The following FLT3 variants were observed in gnomAD, a reference collection of about 807,000 sequenced individuals.
FLT3 encodes the protein fms related receptor tyrosine kinase 3.
In FLT3, 46 loss-of-function variants were observed where a neutral mutation model predicts 126.6. The observed-to-expected ratio is 0.36, with a 90% CI of 0.29 to 0.46. The LOEUF (loss-of-function observed/expected upper bound fraction) is 0.46, where lower values mean the gene tolerates loss of function less well. Ranked by LOEUF, FLT3 falls within the 20% of genes least tolerant of loss-of-function variation. The probability of loss-of-function intolerance (pLI) is 1.00; values close to 1 mark genes in which losing one functional copy is unlikely to be tolerated. For missense variants in FLT3, 1,069 were observed against 1,190.3 expected (o/e 0.90, Z 1.50); for synonymous variants, 404 against 434.4 (o/e 0.93, Z 0.87).
At position 28,058,645 on chromosome 13, in the gene FLT3, G is replaced by T. The variant is rs1876253518; in HGVS notation, c.369-1183C>A. On this transcript the variant is annotated intron_variant, in intron 3 of 23. Transcript: ENST00000241453. ...GAGTTGACAAAGATGTAGAATCTCA[G>T]GTCCCACTGAGACCTACTCATCAGA... Among the ~76,000 whole-genome samples, 4 of 152,178 alleles carry T rather than the reference G, an allele frequency of 2.6e-5. No individual in the cohort carries two copies. In the South Asian group the frequency reaches 8.3e-4, roughly 32 times the overall value.
At chr13:28,024,586 G>A (rs1307110096) in intron 18 of FLT3, among the ~76,000 whole-genome samples, 1 of 152,104 alleles carries the variant, frequency 6.6e-6, no homozygotes, top group African/African-American at 2.4e-5. Context: ...ATGTAACTTC[G>A]GAACTCATTA....
At chr13:28,078,826 G>T (rs1251044669) in intron 1 of FLT3, among the ~76,000 whole-genome samples, 1 of 151,488 alleles carries the variant, frequency 6.6e-6, no homozygotes, top group Non-Finnish European at 1.5e-5. Context: ...CGATTCTCCT[G>T]CCTCAGCCTC....
Position 28,028,200 on chromosome 13 carries a change from C to A in FLT3, c.2031G>T (p.Leu677=). The change falls in exon 16 of 24, where the codon CTG becomes CTT. Residue 677 remains leucine, a synonymous_variant. Transcript: ENST00000241453. ...QLGSHENIVN[L]LGACTLSGPI... is the part of the protein sequence containing the mutation. ...TACCTGACAGTGTGCACGCCCCCAG[C>A]AGGTTCACAATATTCTCGTGGCTTC... The A allele has an allele frequency of 6.2e-7, 1 of 1,604,044 alleles. No individual in the cohort carries two copies. Among genetic ancestry groups the A allele is most frequent in the South Asian group, 1.1e-5 (1 of 90,904 alleles).
intron 19 of FLT3, among the ~76,000 whole-genome samples, chr13:28,018,986 A>G (rs1468082526): frequency 3.3e-5 from 3 of 91,322 alleles, no homozygotes; most frequent in African/African-American, 3.6e-5. Context: ...TTTTTTTTTG[A>G]GACGGAGTTT....
intron 23 of FLT3, among the ~76,000 whole-genome samples, chr13:28,008,275 C>A (rs1389383310): frequency 4.3e-3 from 375 of 86,834 alleles, no homozygotes; most frequent in African/African-American, 7.8e-3. Context: ...GAACCTGTCT[C>A]AAAAAAAAAA....
chr13:28,034,179 C>T lies in FLT3; in HGVS notation c.1740G>A (p.Gln580=), dbSNP rs753586148. 6.2e-7 allele frequency: 1 copy of T among 1,614,034 alleles called. No homozygotes were observed. The highest frequency in any genetic ancestry group is 1.7e-5 in the Admixed American group (1 of 60,022). The stretch of plus-strand genomic sequence containing the variant: ...ACTCATTATCTGAGGAGCCGGTCAC[C>T]TGTACCATCTGTAGCTGGCTTTCAT... ...FRYESQLQMV[Q]VTGSSDNEYF... is the part of the protein sequence containing the mutation. Residue 580 remains glutamine, a synonymous_variant, in exon 14 of 24, where the codon CAG becomes CAA. Transcript: ENST00000241453.
chr13:28,049,293 T>C (rs1875203158), intron 8 of FLT3, 91 bp downstream of exon 8: 1 of 1,150,012 alleles, frequency 8.7e-7, no homozygotes, highest in Non-Finnish European at 1.3e-6. Context: ...AGTAGCATTA[T>C]ATTGAAATCA....
intron 1 of FLT3, among the ~76,000 whole-genome samples, chr13:28,095,675 C>T (rs1422182930): frequency 6.6e-6 from 1 of 152,090 alleles, no homozygotes; most frequent in Non-Finnish European, 1.5e-5. Flanking sequence ...TTTGTCAAAT[C>T]AAAATCTTTG....
intron 23 of FLT3, among the ~76,000 whole-genome samples, chr13:28,008,004 A>C (rs1871058589): frequency 6.6e-6 from 1 of 151,280 alleles, no homozygotes; most frequent in South Asian, 2.1e-4. Context: ...CTCTCTCTCC[A>C]CCTTCTTCTT....
rs1873737470 is a variant in FLT3, at chr13:28,035,365, T to C, written c.1597+130A>G. ...GTCTCTCTGGGGATTCTTGCCTGAC[T>C]CAAGAAACCTTTTCTCACACACTGA... On this transcript the variant is annotated intron_variant, in intron 12 of 23. Transcript: ENST00000241453. The C allele has an allele frequency of 6.0e-6, 5 of 831,354 alleles. No individual in the cohort carries two copies. In the Admixed American group the frequency reaches 1.5e-4, roughly 24 times the overall value. 51.5% of individuals were successfully genotyped at this position (831,354 alleles called of 1,614,324 possible). A position where few individuals can be genotyped will look rare whatever the true frequency, so the allele number is the denominator to read the frequency against.
intron 1 of FLT3, among the ~76,000 whole-genome samples, chr13:28,084,900 G>A (rs956520342): frequency 6.6e-6 from 1 of 150,586 alleles, no homozygotes; most frequent in South Asian, 2.1e-4. Context: ...GCGTGAACCC[G>A]GGAGGCGGAG....
In FLT3 at chr13:28,018,592, G is replaced by A. The variant is rs2137624359; in HGVS notation, c.2419-3C>T. 3 of 1,613,990 alleles carry A rather than the reference G, an allele frequency of 1.9e-6. No individual in the cohort carries two copies. The highest frequency in any genetic ancestry group is 1.7e-4 in the Middle Eastern group (1 of 6,060). ...GCGGCCAGGTCTCTGTGAACACACTGTCAAGAATGACACCAGAGTGTTATT... is the reference window on the plus strand; with the variant it reads ...GCGGCCAGGTCTCTGTGAACACACTATCAAGAATGACACCAGAGTGTTATT... On this transcript the variant is annotated splice_region_variant and splice_polypyrimidine_tract_variant and intron_variant, in intron 19 of 23. Coordinates refer to ENST00000241453, the MANE Select transcript of FLT3 (RefSeq NM_004119.3).
intron 23 of FLT3, among the ~76,000 whole-genome samples, chr13:28,013,518 C>T (rs1443516938): frequency 6.6e-6 from 1 of 152,176 alleles, no homozygotes; most frequent in African/African-American, 2.4e-5. Context: ...CCAAGGTTCT[C>T]TCCTTTATTT....
intron 17 of FLT3, chr13:28,025,525 A>G (rs564237242): frequency 2.8e-5 from 9 of 323,484 alleles, no homozygotes; most frequent in African/African-American, 2.0e-4. Flanking sequence ...AATTTATTCT[A>G]ATATACGAGT....
Position 28,052,670 on chromosome 13 carries a change from G to C in FLT3, c.489C>G (p.Thr163=), listed in dbSNP as rs756806901. Residue 163 remains threonine (T), a synonymous_variant, in exon 5 of 24, where the codon ACC becomes ACG. Coordinates refer to ENST00000241453, the MANE Select transcript of FLT3 (RefSeq NM_004119.3). ...TILFTVSIRN[T]LLYTLRRPYF... ...AAGGTCTTCTTAATGTGTAAAGCAGGGTATCTAAAGCATCATAAGTTATTA... is the reference window on the plus strand; with the variant it reads ...AAGGTCTTCTTAATGTGTAAAGCAGCGTATCTAAAGCATCATAAGTTATTA... 8 of 1,596,136 alleles carry C rather than the reference G, an allele frequency of 5.0e-6. No individual in the cohort carries two copies. Among genetic ancestry groups the C allele is most frequent in the Non-Finnish European group, 6.9e-6 (8 of 1,165,892 alleles).
intron 10 of FLT3, 99 bp downstream of exon 10, chr13:28,037,086 G>A: frequency 1.4e-6 from 1 of 705,394 alleles, no homozygotes; most frequent in African/African-American, 1.8e-5. Context: ...CAGTTTTGTA[G>A]TAGCCCTTCT....
intron 3 of FLT3, among the ~76,000 whole-genome samples, chr13:28,061,491 C>T (rs979096057): frequency 3.3e-4 from 50 of 152,090 alleles, no homozygotes; most frequent in African/African-American, 1.1e-3. Context: ...CGAGGCCAGG[C>T]GCAGTGACTC....
At chr13:28,036,198 T>TAATAA (rs1177058104) in intron 10 of FLT3, among the ~76,000 whole-genome samples, 155 bp from the exon 11 acceptor site, 1 of 152,054 alleles carries the variant, frequency 6.6e-6, no homozygotes. Flanking sequence ...TCTCTGAAAA[T>TAATAA]AATAAAATAA....
chr13:28,021,316 G>C (rs1165186575), intron 19 of FLT3, among the ~76,000 whole-genome samples: 2 of 152,148 alleles, frequency 1.3e-5, no homozygotes, highest in Admixed American at 6.5e-5. Flanking sequence ...CTTGAACCTG[G>C]GAGGCAGAGG....
Sources: allele counts gnomAD v4.1 joint callset (sites outside exome capture counted in the v4.1 genomes callset), GRCh38; gene constraint gnomAD v4.1.1; transcripts MANE v1.5; gene names NCBI Gene and HGNC (gene_info 2026-07-23, HGNC 2026-07-21).